The following ZNF184 variants were observed in gnomAD, a reference collection of about 807,000 sequenced individuals.
The protein encoded by ZNF184 is zinc finger protein 184.
ZNF184 carries 16 observed loss-of-function variants against 54.4 expected under a neutral mutation model. The observed-to-expected ratio is 0.29, with a 90% CI of 0.20 to 0.45. ZNF184 has a LOEUF of 0.45. ZNF184 is among the 20% of genes least tolerant of loss of function. The probability of loss-of-function intolerance (pLI) is 1.00; values close to 1 mark genes in which losing one functional copy is unlikely to be tolerated. For synonymous variants in ZNF184, 254 were observed against 295.3 expected, an observed-to-expected ratio of 0.86 and a Z score of 1.43; for missense variants, 681 against 888.2, an observed-to-expected ratio of 0.77 and a Z score of 2.97.
At chr6:27,435,902 G>A in the ZNF184 span, among the ~76,000 whole-genome samples, 2 of 152,074 alleles carry the variant, frequency 1.3e-5, no homozygotes, top group Admixed American at 6.5e-5. Context: ...TACCTGTCAG[G>A]ACCTGCAAGA....
the ZNF184 span, among the ~76,000 whole-genome samples, chr6:27,423,050 A>T: frequency 7.9e-5 from 12 of 152,208 alleles, no homozygotes; most frequent in African/African-American, 2.9e-4. Flanking sequence ...GTGGCCTCGG[A>T]GGGAGGCCTA....
At chr6:27,461,636 A>C (rs1762997864) in intron 3 of ZNF184, among the ~76,000 whole-genome samples, 1 of 152,258 alleles carries the variant, frequency 6.6e-6, no homozygotes, top group Non-Finnish European at 1.5e-5. Flanking sequence ...AACCTCAGGT[A>C]GCAAAGAAAA....
At chr6:27,442,882 A>G in the ZNF184 span, among the ~76,000 whole-genome samples, 1 of 135,420 alleles carries the variant, frequency 7.4e-6, no homozygotes, top group Non-Finnish European at 1.6e-5. Context: ...AAGAAAGAAA[A>G]AGAAAAAAAG....
At chr6:27,461,462 A>G (rs1178059100) in intron 3 of ZNF184, among the ~76,000 whole-genome samples, 1 of 152,204 alleles carries the variant, frequency 6.6e-6, no homozygotes, top group Admixed American at 6.5e-5. Context: ...GCCCTAGAGT[A>G]AGGCTACACT....
the ZNF184 span, among the ~76,000 whole-genome samples, chr6:27,421,736 C>T: frequency 6.6e-6 from 1 of 152,156 alleles, no homozygotes; most frequent in Non-Finnish European, 1.5e-5. Context: ...GCGTGGTCCC[C>T]TTGAACCGTC....
the ZNF184 span, among the ~76,000 whole-genome samples, chr6:27,444,723 G>A: frequency 6.6e-6 from 1 of 152,240 alleles, no homozygotes; most frequent in Non-Finnish European, 1.5e-5. Context: ...TCTCAGAAGT[G>A]TTTTACCTGA....
At chr6:27,463,699 A>T (rs1238937051) in intron 3 of ZNF184, among the ~76,000 whole-genome samples, 1 of 152,162 alleles carries the variant, frequency 6.6e-6, no homozygotes, top group African/African-American at 2.4e-5. Context: ...GAAAAAAGAC[A>T]CACAAATATA....
At chr6:27,429,005 C>T in the ZNF184 span, among the ~76,000 whole-genome samples, 1 of 152,188 alleles carries the variant, frequency 6.6e-6, no homozygotes, top group Admixed American at 6.5e-5. Context: ...ATTTCAGGAA[C>T]TTCCTCACAT....
At chr6:27,435,889 A>G in the ZNF184 span, among the ~76,000 whole-genome samples, 401 of 152,264 alleles carry the variant, frequency 2.6e-3, 1 homozygote, top group Middle Eastern at 0.01. Flanking sequence ...CAGTCATGCC[A>G]TGTACCTGTC....
the ZNF184 span, among the ~76,000 whole-genome samples, chr6:27,420,539 G>C: frequency 6.6e-6 from 1 of 152,112 alleles, no homozygotes; most frequent in Non-Finnish European, 1.5e-5. Flanking sequence ...TGTCTGTGAA[G>C]AATGTCCCGC....
chr6:27,413,114 C>T, the ZNF184 span, among the ~76,000 whole-genome samples: 1 of 151,806 alleles, frequency 6.6e-6, no homozygotes, highest in Admixed American at 6.6e-5. Context: ...CAAAATTAGC[C>T]AGGCGTGGTG....
At chr6:27,458,166 T>C (rs1276440836) in intron 3 of ZNF184, among the ~76,000 whole-genome samples, 1 of 151,808 alleles carries the variant, frequency 6.6e-6, no homozygotes, top group Non-Finnish European at 1.5e-5. Flanking sequence ...AAAATATTTG[T>C]ATAAGCTTGA....
the ZNF184 span, chr6:27,407,752 A>C: frequency 1.3e-6 from 1 of 770,412 alleles, no homozygotes; most frequent in Non-Finnish European, 2.4e-6. Flanking sequence ...CCAGAGGCGG[A>C]GATGTCACTA....
chr6:27,471,911 T>G (rs889604653), intron 2 of ZNF184, among the ~76,000 whole-genome samples: 12 of 152,082 alleles, frequency 7.9e-5, no homozygotes, highest in African/African-American at 2.7e-4. Flanking sequence ...GGGCATAGGG[T>G]TGACAGACAG....
At chr6:27,409,984 C>A in the ZNF184 span, among the ~76,000 whole-genome samples, 1 of 152,094 alleles carries the variant, frequency 6.6e-6, no homozygotes, top group African/African-American at 2.4e-5. Flanking sequence ...TTATGATACA[C>A]AAATATTTAC....
At chr6:27,431,055 C>G in the ZNF184 span, among the ~76,000 whole-genome samples, 1 of 152,112 alleles carries the variant, frequency 6.6e-6, no homozygotes, top group Admixed American at 6.6e-5. Context: ...AAAATAAAGG[C>G]ACAAACAACA....
At chr6:27,407,562 C>A in the ZNF184 span, 1 of 469,516 alleles carries the variant, frequency 2.1e-6, no homozygotes, top group Non-Finnish European at 3.9e-6. Context: ...GACAATTATA[C>A]CTTTTACAGA....
At chr6:27,424,186 G>A in the ZNF184 span, among the ~76,000 whole-genome samples, 21 of 152,178 alleles carry the variant, frequency 1.4e-4, no homozygotes, top group Non-Finnish European at 2.5e-4. Flanking sequence ...GAGCTCTTAA[G>A]GCACCGCGTC....
the ZNF184 span, among the ~76,000 whole-genome samples, chr6:27,424,382 G>A: frequency 6.6e-6 from 1 of 152,174 alleles, no homozygotes; most frequent in Admixed American, 6.5e-5. Flanking sequence ...AGTTGCCACT[G>A]CTGGCCCCGC....
Sources: allele counts gnomAD v4.1 joint callset (sites outside exome capture counted in the v4.1 genomes callset), GRCh38; gene constraint gnomAD v4.1.1; transcripts MANE v1.5; gene names NCBI Gene and HGNC (gene_info 2026-07-23, HGNC 2026-07-21).